CCR2: variants seen among roughly 807,000 people sequenced by gnomAD.
CCR2 encodes C-C chemokine receptor type 2.
For synonymous variants in CCR2, 183 were observed against 177.1 expected, an observed-to-expected ratio of 1.03 and a Z score of -0.27; for missense variants, 408 against 440.0, an observed-to-expected ratio of 0.93 and a Z score of 0.65.
chr3:46,358,478 G>A lies in CCR2; in HGVS notation c.951G>A (p.Ser317=), dbSNP rs745672807. ...FVGEKFRRYL[S]VFFRKHITKR... is the part of the protein sequence containing the mutation. ...GGGAGAAGTTCAGAAGGTATCTCTC[G>A]GTGTTCTTCCGAAAGCACATCACCA... The change falls in exon 2 of 2, where the codon TCG becomes TCA. Residue 317 remains serine (S), a synonymous_variant. Coordinates refer to ENST00000445132, the MANE Select transcript of CCR2 (RefSeq NM_001123396.4). The A allele has an allele frequency of 1.2e-5, 20 of 1,613,332 alleles. No homozygotes were observed. The highest frequency in any genetic ancestry group is 8.8e-5 in the South Asian group (8 of 91,066).
rs1310241536 is a variant in CCR2, at chr3:46,358,928, T to G, written c.*318T>G. 1.8e-6 allele frequency: 2 copies of G among 1,082,896 alleles called. No homozygotes were observed. The highest frequency in any genetic ancestry group is 2.3e-6 in the Non-Finnish European group (2 of 880,778). 67.1% of individuals were successfully genotyped at this position (1,082,896 alleles called of 1,614,324 possible). A position where few individuals can be genotyped will look rare whatever the true frequency, so the allele number is the denominator to read the frequency against. ...CACTCAATCTCTGATTCTGTCAATGTCTTGAAATCAAGGGCCAGCTGGAGG... is the reference window on the plus strand; with the variant it reads ...CACTCAATCTCTGATTCTGTCAATGGCTTGAAATCAAGGGCCAGCTGGAGG... On this transcript the variant is annotated 3_prime_UTR_variant, in exon 2 of 2. Coordinates refer to ENST00000445132, the MANE Select transcript of CCR2 (RefSeq NM_001123396.4).
In CCR2 at chr3:46,357,710, G is replaced by C. The variant is rs1400248989; in HGVS notation, c.183G>C (p.Met61Ile). 1 of 1,614,162 alleles carries C rather than the reference G, an allele frequency of 6.2e-7. No individual in the cohort carries two copies. Among genetic ancestry groups the C allele is most frequent in the Admixed American group, 1.7e-5 (1 of 60,024 alleles). ...LVFIFGFVGNMLVVLILINCK... is the reference protein window; with the variant it reads ...LVFIFGFVGNILVVLILINCK... ...TCATCTTTGGTTTTGTGGGCAACAT[G>C]CTGGTCGTCCTCATCTTAATAAACT... The change falls in exon 2 of 2, where the codon ATG becomes ATC. Residue 61 changes from methionine to isoleucine, a missense_variant. By Grantham distance (10) the Met-to-Ile change is conservative. Transcript: ENST00000445132.
At position 46,358,244 on chromosome 3, in the gene CCR2, T is replaced by A; in HGVS notation, c.717T>A (p.His239Gln). 6.2e-7 allele frequency: 1 copy of A among 1,614,192 alleles called. No individual in the cohort carries two copies. Among genetic ancestry groups the A allele is most frequent in the Non-Finnish European group, 8.5e-7 (1 of 1,180,020 alleles). ...LLRCRNEKKR[H>Q]RAVRVIFTIM... ...GGTGTCGAAACGAGAAGAAGAGGCATAGGGCAGTGAGAGTCATCTTCACCA... is the reference window on the plus strand; with the variant it reads ...GGTGTCGAAACGAGAAGAAGAGGCAAAGGGCAGTGAGAGTCATCTTCACCA... Residue 239 changes from histidine to glutamine, a missense_variant, in exon 2 of 2, where the codon CAT (histidine) becomes CAA (glutamine). Coordinates refer to ENST00000445132, the MANE Select transcript of CCR2 (RefSeq NM_001123396.4).
intron 1 of CCR2, chr3:46,354,735 A>C (rs1701421501): frequency 6.6e-6 from 1 of 152,228 alleles, no homozygotes; most frequent in African/African-American, 2.4e-5. Flanking sequence ...GTAAAAATGA[A>C]ATTAAGTAAT....
Position 46,359,473 on chromosome 3 carries a change from G to A in CCR2, c.*863G>A. 4 of 1,041,452 alleles carry A rather than the reference G, an allele frequency of 3.8e-6. No individual in the cohort carries two copies. The highest frequency in any genetic ancestry group is 3.9e-6 in the Non-Finnish European group (3 of 760,064). 64.5% of individuals were successfully genotyped at this position (1,041,452 alleles called of 1,614,324 possible). A position where few individuals can be genotyped will look rare whatever the true frequency, so the allele number is the denominator to read the frequency against. ...GTAGTGATTATGAGAAGGGGGTGGAGAATGATGAGTTCCTTCACCAGGAGC... is the reference window on the plus strand; with the variant it reads ...GTAGTGATTATGAGAAGGGGGTGGAAAATGATGAGTTCCTTCACCAGGAGC... On this transcript the variant is annotated 3_prime_UTR_variant, in exon 2 of 2. Coordinates refer to ENST00000445132, the MANE Select transcript of CCR2 (RefSeq NM_001123396.4).
Position 46,359,043 on chromosome 3 carries a change from G to C in CCR2, c.*433G>C. ...GGAGAAGGAGGGAGACATGAGCATGGCTGAGCCTGGACAAAGACAAAGGTG... is the reference window on the plus strand; with the variant it reads ...GGAGAAGGAGGGAGACATGAGCATGCCTGAGCCTGGACAAAGACAAAGGTG... On this transcript the variant is annotated 3_prime_UTR_variant, in exon 2 of 2. Transcript: ENST00000445132. 1 of 1,019,980 alleles carries C rather than the reference G, an allele frequency of 9.8e-7. No individual in the cohort carries two copies. Among genetic ancestry groups the C allele is most frequent in the Non-Finnish European group, 1.2e-6 (1 of 841,590 alleles). 63.2% of individuals were successfully genotyped at this position (1,019,980 alleles called of 1,614,324 possible).
Position 46,357,694 on chromosome 3 carries a change from G to C in CCR2, c.167G>C (p.Gly56Ala). The C allele has an allele frequency of 6.2e-7, 1 of 1,614,062 alleles. No individual in the cohort carries two copies. The highest frequency in any genetic ancestry group is 8.5e-7 in the Non-Finnish European group (1 of 1,180,020). Residue 56 changes from glycine to alanine, a missense_variant, in exon 2 of 2, where the codon GGT becomes GCT. Gly to Ala is a moderately conservative substitution (Grantham distance 60). Transcript: ENST00000445132. ...PPLYSLVFIF[G>A]FVGNMLVVLI... ...CTCTACTCGCTGGTGTTCATCTTTG[G>C]TTTTGTGGGCAACATGCTGGTCGTC...
intron 1 of CCR2, among the ~76,000 whole-genome samples, chr3:46,354,580 C>T (rs534745444): frequency 1.2e-4 from 19 of 152,276 alleles, no homozygotes; most frequent in African/African-American, 4.1e-4. Context: ...TCCACAGAGG[C>T]AGAAGTAAGG....
In CCR2 at chr3:46,359,318, GA is replaced by G; in HGVS notation, c.*709del. ...ATGAAATATCATGCTCCATTGTTCA[GA>G]TGCTTCTTAGGCCACATCCCCCTGT... is the stretch of plus-strand genomic sequence containing the variant. On this transcript the variant is annotated 3_prime_UTR_variant, in exon 2 of 2. Transcript: ENST00000445132. The G allele has an allele frequency of 1.9e-6, 2 of 1,025,892 alleles. No individual in the cohort carries two copies. The highest frequency in any genetic ancestry group is 2.4e-6 in the Non-Finnish European group (2 of 847,664). 63.5% of individuals were successfully genotyped at this position (1,025,892 alleles called of 1,614,324 possible).
Position 46,359,796 on chromosome 3 carries a change from G to A in CCR2, c.*1186G>A, listed in dbSNP as rs762326630. On this transcript the variant is annotated 3_prime_UTR_variant, in exon 2 of 2. Coordinates refer to ENST00000445132, the MANE Select transcript of CCR2 (RefSeq NM_001123396.4). ...ACTACACAAGGACTCCTCGATGGTC[G>A]TGGAAAAGGAAAGTCAATTGGCAGA... The A allele has an allele frequency of 3.0e-5, 48 of 1,614,012 alleles. No homozygotes were observed. Among genetic ancestry groups the A allele is most frequent in the Middle Eastern group, 1.6e-4 (1 of 6,084 alleles).
At position 46,359,388 on chromosome 3, in the gene CCR2, A is replaced by G; in HGVS notation, c.*778A>G. 3 of 1,080,184 alleles carry G rather than the reference A, an allele frequency of 2.8e-6. No individual in the cohort carries two copies. Among genetic ancestry groups the G allele is most frequent in the South Asian group, 8.2e-5 (2 of 24,264 alleles). The allele number at this position is 1,080,184 out of a possible 1,614,324, so 66.9% of individuals were successfully genotyped here. On this transcript the variant is annotated 3_prime_UTR_variant, in exon 2 of 2. Coordinates refer to ENST00000445132, the MANE Select transcript of CCR2 (RefSeq NM_001123396.4). ...TTTGTTTATAAAAGATGCATTATCT[A>G]TGATATGCTAATATATGTATATGCA...
Position 46,360,069 on chromosome 3 carries a change from G to C in CCR2, c.*1459G>C. 3 of 500,576 alleles carry C rather than the reference G, an allele frequency of 6.0e-6. No individual in the cohort carries two copies. Among genetic ancestry groups the C allele is most frequent in the Non-Finnish European group, 1.0e-5 (3 of 288,368 alleles). 31.0% of individuals were successfully genotyped at this position (500,576 alleles called of 1,614,324 possible). A position where few individuals can be genotyped will look rare whatever the true frequency, so the allele number is the denominator to read the frequency against. On this transcript the variant is annotated 3_prime_UTR_variant, in exon 2 of 2. Coordinates refer to ENST00000445132, the MANE Select transcript of CCR2 (RefSeq NM_001123396.4). ...ATAGAGTTCAGACTTTTTTTAAATA[G>C]TAAAAATAAAATTAAAGCTGAAAAC...
At position 46,358,204 on chromosome 3, in the gene CCR2, T is replaced by C; in HGVS notation, c.677T>C (p.Leu226Pro). ...ATGGTCATCTGCTACTCGGGAATCC[T>C]GAAAACCCTGCTTCGGTGTCGAAAC... ...LIMVICYSGI[L>P]KTLLRCRNEK... The change falls in exon 2 of 2, where the codon CTG (leucine) becomes CCG (proline). Residue 226 changes from leucine to proline, a missense_variant. Physicochemically the swap from Leu to Pro is moderately conservative, Grantham distance 98 (BLOSUM62 -3). Transcript: ENST00000445132. The C allele has an allele frequency of 6.2e-7, 1 of 1,614,196 alleles. No individual in the cohort carries two copies. The highest frequency in any genetic ancestry group is 8.5e-7 in the Non-Finnish European group (1 of 1,180,020).
Position 46,359,693 on chromosome 3 carries a change from C to G in CCR2, c.*1083C>G. ...TCCCCACAGCCTTTTTCACATAGCT[C>G]TTGGCTGTAGGATTGCCCCACTCCA... is the stretch of plus-strand genomic sequence containing the variant. On this transcript the variant is annotated 3_prime_UTR_variant, in exon 2 of 2. Transcript: ENST00000445132. 1 of 1,612,300 alleles carries G rather than the reference C, an allele frequency of 6.2e-7. No homozygotes were observed. Among genetic ancestry groups the G allele is most frequent in the Non-Finnish European group, 8.5e-7 (1 of 1,179,540 alleles).
rs1345069482 is a variant in CCR2, at chr3:46,359,909, C to T, written c.*1299C>T. The T allele has an allele frequency of 6.4e-7, 1 of 1,554,662 alleles. No individual in the cohort carries two copies. Among genetic ancestry groups the T allele is most frequent in the Admixed American group, 1.8e-5 (1 of 56,462 alleles). On this transcript the variant is annotated 3_prime_UTR_variant, in exon 2 of 2. Coordinates refer to ENST00000445132, the MANE Select transcript of CCR2 (RefSeq NM_001123396.4). ...TTTGGAAATCACACGTCTGGCTTCACAGATGTGTGATTCACAGTGTGAATC... is the reference window on the plus strand; with the variant it reads ...TTTGGAAATCACACGTCTGGCTTCATAGATGTGTGATTCACAGTGTGAATC...
In CCR2 at chr3:46,360,499, A is replaced by G. The variant is rs1287992439; in HGVS notation, c.*1889A>G. ...GTCCTTGATGCTCATATTGTTCCCT[A>G]TTTTGCCAGTGGGAACTCCTAAATC... is the stretch of plus-strand genomic sequence containing the variant. On this transcript the variant is annotated 3_prime_UTR_variant, in exon 2 of 2. Transcript: ENST00000445132. 1 of 152,180 alleles carries G rather than the reference A, an allele frequency of 6.6e-6. No homozygotes were observed. 9.4% of individuals were successfully genotyped at this position (152,180 alleles called of 1,614,324 possible).
chr3:46,356,972 A>T (rs1406838721), intron 1 of CCR2, among the ~76,000 whole-genome samples: 2 of 150,814 alleles, frequency 1.3e-5, no homozygotes, highest in Non-Finnish European at 2.9e-5. Flanking sequence ...TGGGTTTAGG[A>T]CTCAGTGATA....
At chr3:46,357,392 T>C in intron 1 of CCR2, 85 bp from the exon 2 acceptor site, 2 of 898,480 alleles carry the variant, frequency 2.2e-6, no homozygotes, top group Non-Finnish European at 3.4e-6. Flanking sequence ...GACTGGGAAG[T>C]TGCTTATGTG....
intron 1 of CCR2, among the ~76,000 whole-genome samples, chr3:46,354,569 A>C (rs1406119430): frequency 6.6e-6 from 1 of 152,196 alleles, no homozygotes; most frequent in Non-Finnish European, 1.5e-5. Flanking sequence ...AACTCAGGAG[A>C]TCCACAGAGG....
Sources: allele counts gnomAD v4.1 joint callset (sites outside exome capture counted in the v4.1 genomes callset), GRCh38; gene constraint gnomAD v4.1.1; transcripts MANE v1.5; gene names NCBI Gene and HGNC (gene_info 2026-07-23, HGNC 2026-07-21).